Variants in SOX5 observed in about 807,000 individuals in gnomAD.
The protein encoded by SOX5 is transcription factor SOX-5.
A neutral mutation model predicts 92.0 loss-of-function variants in SOX5; 9 were observed. The ratio of observed to expected loss-of-function variants is 0.10; its 90% CI spans 0.06 to 0.17. The LOEUF is 0.17. Among genes scored for constraint, SOX5 ranks in the 10% least tolerant of loss-of-function variants. The pLI is 1.00. For synonymous variants in SOX5, 344 were observed against 336.3 expected (o/e 1.02, Z -0.25); for missense variants, 642 against 944.5 (o/e 0.68, Z 4.20).
At chr12:23,683,378 G>T (rs533010485) in intron 6 of SOX5, among the ~76,000 whole-genome samples, 4 of 149,524 alleles carry the variant, frequency 2.7e-5, no homozygotes, top group African/African-American at 9.7e-5. Flanking sequence ...TGAAAACTTC[G>T]GTTCATGTTC....
intron 7 of SOX5, among the ~76,000 whole-genome samples, chr12:23,664,374 T>C (rs1341882681): frequency 1.3e-5 from 2 of 151,170 alleles, no homozygotes; most frequent in African/African-American, 4.9e-5. Flanking sequence ...CAATATTCTG[T>C]GTAATTATCT....
chr12:23,644,031 C>T (rs1463187066), intron 7 of SOX5, among the ~76,000 whole-genome samples: 2 of 152,184 alleles, frequency 1.3e-5, no homozygotes, highest in South Asian at 2.1e-4. Context: ...AATCACCTCC[C>T]TTTCAGTGTG....
chr12:23,703,488 C>A (rs2090954592), intron 6 of SOX5, among the ~76,000 whole-genome samples: 1 of 151,784 alleles, frequency 6.6e-6, no homozygotes, highest in Non-Finnish European at 1.5e-5. Flanking sequence ...ACTCTTACAT[C>A]TTTTTTTAAA....
intron 3 of SOX5, among the ~76,000 whole-genome samples, chr12:23,793,891 T>G (rs2142012080): frequency 6.6e-6 from 1 of 152,328 alleles, no homozygotes; most frequent in South Asian, 2.1e-4. Flanking sequence ...TCTTAAATTT[T>G]GTCACCTAGG....
At position 23,590,061 on chromosome 12, in the gene SOX5, C is replaced by G. The variant is rs183959200; in HGVS notation, c.1165-14223G>C. 3.3e-5 allele frequency among the ~76,000 whole-genome samples: 5 copies of G among 151,842 alleles called. No homozygotes were observed. In the East Asian group the frequency reaches 9.7e-4, roughly 29 times the overall value. ...TATTTAGAATTCTATATAGAAATGA[C>G]GGTTTAGATGGATATTATATTGCTA... On this transcript the variant is annotated intron_variant, in intron 9 of 14. Coordinates refer to ENST00000451604, the MANE Select transcript of SOX5 (RefSeq NM_006940.6).
chr12:23,737,118 C>G (rs1292710402), intron 5 of SOX5, among the ~76,000 whole-genome samples: 2 of 152,008 alleles, frequency 1.3e-5, no homozygotes, highest in African/African-American at 4.8e-5. Flanking sequence ...ATCCTTTTAA[C>G]AGAACTTTAA....
At position 24,084,011 on chromosome 12, in the gene SOX5, G is replaced by A. The variant is rs1294927956; in HGVS notation, c.-2+129332C>T. ...CTCACCGGAGAAGGAATGAGAGTCTGGTGTTTCTGCAGTGCAAGAGGAAAG... is the reference window on the plus strand; with the variant it reads ...CTCACCGGAGAAGGAATGAGAGTCTAGTGTTTCTGCAGTGCAAGAGGAAAG... On this transcript the variant is annotated intron_variant, in intron 4 of 4. Coordinates refer to the SOX5 transcript ENST00000446891. 2.0e-5 allele frequency among the ~76,000 whole-genome samples: 3 copies of A among 152,018 alleles called. No individual in the cohort carries two copies. In the East Asian group the frequency reaches 5.8e-4, roughly 29 times the overall value.
chr12:24,268,448 A>G (rs1233046410), intron 3 of SOX5, among the ~76,000 whole-genome samples: 1 of 152,178 alleles, frequency 6.6e-6, no homozygotes, highest in African/African-American at 2.4e-5. Context: ...TACTCAAGAG[A>G]TTTACGTGTA....
At chr12:24,059,362 A>T (rs1939215587) in intron 4 of SOX5, among the ~76,000 whole-genome samples, 1 of 152,094 alleles carries the variant, frequency 6.6e-6, no homozygotes, top group South Asian at 2.1e-4. Context: ...CAATTTCTTC[A>T]TTTGAGATAA....
chr12:24,169,713 A>T (rs1189816621), intron 4 of SOX5, among the ~76,000 whole-genome samples: 1 of 152,222 alleles, frequency 6.6e-6, no homozygotes, highest in Non-Finnish European at 1.5e-5. Context: ...CTAGATTAGG[A>T]TGCCACGTGC....
chr12:23,917,932 T>G (rs1039670549), intron 1 of SOX5, among the ~76,000 whole-genome samples: 6 of 152,196 alleles, frequency 3.9e-5, no homozygotes, highest in African/African-American at 1.4e-4. Context: ...ATCAATTGGG[T>G]ATCTACTAAT....
At chr12:24,275,694 T>C (rs1311171392) in intron 3 of SOX5, among the ~76,000 whole-genome samples, 1 of 152,154 alleles carries the variant, frequency 6.6e-6, no homozygotes, top group East Asian at 1.9e-4. Context: ...ATGTTGGATC[T>C]GGATCACTTG....
chr12:23,974,837 AAAT>A (rs1948736492), intron 4 of SOX5, among the ~76,000 whole-genome samples: 1 of 152,212 alleles, frequency 6.6e-6, no homozygotes, highest in South Asian at 2.1e-4. Flanking sequence ...GAATTAGAAT[AAAT>A]TAATAAAAGA....
intron 4 of SOX5, among the ~76,000 whole-genome samples, chr12:24,060,869 G>A (rs1269415238): frequency 6.6e-6 from 1 of 152,188 alleles, no homozygotes; most frequent in Non-Finnish European, 1.5e-5. Context: ...AAAGAAAGAC[G>A]AGAGACGATG....
chr12:23,962,769 G>T (rs532429634), intron 4 of SOX5, among the ~76,000 whole-genome samples: 51 of 152,124 alleles, frequency 3.4e-4, no homozygotes, highest in Admixed American at 9.2e-4. Flanking sequence ...TGAACGATTT[G>T]AGTCTTATTT....
chr12:24,557,396 A>AT (rs1953904466), intron 1 of SOX5, among the ~76,000 whole-genome samples: 1 of 109,530 alleles, frequency 9.1e-6, no homozygotes, highest in Non-Finnish European at 2.4e-5. Flanking sequence ...GCAAGACTTC[A>AT]TTTCAAAAAA....
At chr12:23,537,609 C>T (rs189467751) in intron 13 of SOX5, among the ~76,000 whole-genome samples, 2 of 152,214 alleles carry the variant, frequency 1.3e-5, no homozygotes, top group Admixed American at 6.5e-5. Flanking sequence ...TAATAATAAC[C>T]CAAATTGTTT....
intron 3 of SOX5, among the ~76,000 whole-genome samples, chr12:23,776,860 C>T (rs188018625): frequency 1.6e-4 from 24 of 152,224 alleles, no homozygotes; most frequent in Admixed American, 5.2e-4. Context: ...CGGTTCCTAA[C>T]AGGCCACGGA....
intron 4 of SOX5, among the ~76,000 whole-genome samples, chr12:24,006,255 G>C (rs1264142400): frequency 6.6e-6 from 1 of 152,170 alleles, no homozygotes; most frequent in African/African-American, 2.4e-5. Flanking sequence ...GAAAAGGAAA[G>C]AGAATCTTTT....
Sources: gnomAD v4.1 joint callset for allele counts (sites outside exome capture counted in the v4.1 genomes callset) on GRCh38, gnomAD v4.1.1 for gene constraint, MANE v1.5 for transcripts, NCBI Gene and HGNC (gene_info 2026-07-23, HGNC 2026-07-21) for gene names.